ATP6V1C2: variants seen among roughly 807,000 people sequenced by gnomAD.
ATP6V1C2 encodes ATPase H+ transporting V1 subunit C2.
Under a neutral mutation model 56.8 loss-of-function variants are expected in ATP6V1C2, and 45 were observed. The observed-to-expected ratio is 0.79, with a 90% confidence interval of 0.62 to 1.02. The LOEUF (loss-of-function observed/expected upper bound fraction) is 1.02, where lower values mean the gene tolerates loss of function less well. ATP6V1C2 is among the 50% of genes least tolerant of loss of function. The probability of loss-of-function intolerance (pLI) is 0.00; values close to 1 mark genes in which losing one functional copy is unlikely to be tolerated. For synonymous variants in ATP6V1C2, 220 were observed against 201.3 expected, an observed-to-expected ratio of 1.09 and a Z score of -0.79; for missense variants, 463 against 519.7, an observed-to-expected ratio of 0.89 and a Z score of 1.06.
intron 3 of ATP6V1C2, among the ~76,000 whole-genome samples, chr2:10,744,651 G>GTTTTT (rs201274617): frequency 6.8e-6 from 1 of 146,740 alleles, no homozygotes; most frequent in Non-Finnish European, 1.5e-5. Context: ...TGCTTGATGG[G>GTTTTT]TTTTTTTTTC....
chr2:10,755,868 G>T (rs914769444), intron 4 of ATP6V1C2, among the ~76,000 whole-genome samples: 5 of 152,204 alleles, frequency 3.3e-5, no homozygotes, highest in Non-Finnish European at 7.3e-5. Context: ...TGTCTGCCTC[G>T]TTCGTGCTGA....
intron 3 of ATP6V1C2, among the ~76,000 whole-genome samples, chr2:10,733,286 T>C (rs1027999520): frequency 4.6e-5 from 7 of 152,180 alleles, no homozygotes; most frequent in African/African-American, 1.7e-4. Flanking sequence ...GGGTTATATG[T>C]ACTAATAAAT....
chr2:10,775,178 C>T, intron 10 of ATP6V1C2, 107 bp downstream of exon 10: 2 of 849,100 alleles, frequency 2.4e-6, no homozygotes, highest in Admixed American at 3.9e-5. Context: ...TGTCCCCAGG[C>T]TCCTGGGCTC....
At chr2:10,724,303 A>G (rs1043441533) in intron 2 of ATP6V1C2, among the ~76,000 whole-genome samples, 1 of 152,102 alleles carries the variant, frequency 6.6e-6, no homozygotes, top group Non-Finnish European at 1.5e-5. Flanking sequence ...ATGCTACCCC[A>G]TTTGCTAACG....
chr2:10,742,922 A>T (rs1572529884), intron 3 of ATP6V1C2, among the ~76,000 whole-genome samples: 1 of 151,996 alleles, frequency 6.6e-6, no homozygotes, highest in Admixed American at 6.6e-5. Context: ...CCTGCCCAGC[A>T]CCCAAAGGCC....
chr2:10,761,312 T>C (rs1663890862), intron 4 of ATP6V1C2, among the ~76,000 whole-genome samples: 1 of 151,996 alleles, frequency 6.6e-6, no homozygotes, highest in African/African-American at 2.4e-5. Context: ...GGTTCCCAGC[T>C]TGTGGGATGG....
At chr2:10,755,950 AGT>A in intron 4 of ATP6V1C2, among the ~76,000 whole-genome samples, 1 of 152,198 alleles carries the variant, frequency 6.6e-6, no homozygotes, top group African/African-American at 2.4e-5. Flanking sequence ...GTGCCTTTAA[AGT>A]GTGCAAGGCA....
At chr2:10,721,629 C>CGAA (rs1309655793), upstream of ATP6V1C2, 1 of 151,492 alleles carries the variant, frequency 6.6e-6, no homozygotes, top group Non-Finnish European at 1.5e-5. Flanking sequence ...CGCGGGGCAG[C>CGAA]GAAGCCGCTG....
At chr2:10,778,544 G>C in intron 11 of ATP6V1C2, 28 bp from the exon 12 acceptor site, 1 of 1,609,584 alleles carries the variant, frequency 6.2e-7, no homozygotes, top group Non-Finnish European at 8.5e-7. Flanking sequence ...TGTTCAGCAG[G>C]GGTCACCTGG....
intron 5 of ATP6V1C2, among the ~76,000 whole-genome samples, chr2:10,768,492 G>T (rs188710350): frequency 2.0e-5 from 3 of 152,340 alleles, no homozygotes; most frequent in African/African-American, 7.2e-5. Context: ...ATCAGGAAAG[G>T]TTGGGCTCAC....
At chr2:10,745,312 A>G (rs1662849039) in intron 3 of ATP6V1C2, among the ~76,000 whole-genome samples, 1 of 149,798 alleles carries the variant, frequency 6.7e-6, no homozygotes, top group African/African-American at 2.5e-5. Context: ...TGCAGGGATT[A>G]TAGGCATGAG....
rs1417969080 is a variant in ATP6V1C2 at position 10,763,053 on chromosome 2, A to G, written c.284-1278A>G. The stretch of plus-strand genomic sequence containing the variant: ...TTGGGGTTGGAGGAATCTCAGTCCA[A>G]TTCCCGTGCTAGGGGCTGAGTGGGC... On this transcript the variant is annotated intron_variant, in intron 4 of 13. Transcript: ENST00000272238. This position sits in a 1 kb window ranked among gnomAD's most constrained non-coding sequence, Gnocchi z 4.2. 6.6e-6 allele frequency among the ~76,000 whole-genome samples: 1 copy of G among 151,894 alleles called. No individual in the cohort carries two copies. The highest frequency in any genetic ancestry group is 2.4e-5 in the African/African-American group (1 of 41,334).
chr2:10,783,157 CATG>C lies in ATP6V1C2; in HGVS notation c.1195-16_1195-14del, dbSNP rs755767275. On this transcript the variant is annotated splice_polypyrimidine_tract_variant and intron_variant, in intron 13 of 13. Coordinates refer to ENST00000272238, the MANE Select transcript of ATP6V1C2 (RefSeq NM_001039362.2). ...CTAGTTTATGCACTTAGAGCATTAC[CATG>C]TCTTCTTTTGTAGGCATCTGTGGAG... is the stretch of plus-strand genomic sequence containing the variant. The C allele has an allele frequency of 6.3e-7, 1 of 1,595,224 alleles. No homozygotes were observed. Among genetic ancestry groups the C allele is most frequent in the Admixed American group, 1.7e-5 (1 of 59,942 alleles).
At chr2:10,735,175 A>G (rs554682625) in intron 3 of ATP6V1C2, among the ~76,000 whole-genome samples, 9 of 152,290 alleles carry the variant, frequency 5.9e-5, no homozygotes, top group Non-Finnish European at 8.8e-5. Flanking sequence ...TGTGGTGACT[A>G]GACCTTTTTT....
intron 3 of ATP6V1C2, among the ~76,000 whole-genome samples, chr2:10,738,338 C>T (rs1053505752): frequency 1.3e-5 from 2 of 152,078 alleles, no homozygotes; most frequent in Non-Finnish European, 2.9e-5. Flanking sequence ...TGCCAGGCTT[C>T]CCCCAGCTCC....
At chr2:10,748,666 A>G (rs897743730) in intron 3 of ATP6V1C2, among the ~76,000 whole-genome samples, 2 of 152,190 alleles carry the variant, frequency 1.3e-5, no homozygotes, top group African/African-American at 4.8e-5. Flanking sequence ...AGTTTACTTT[A>G]GACAAACATG....
chr2:10,766,003 T>C (rs1472950091), intron 5 of ATP6V1C2, among the ~76,000 whole-genome samples: 1 of 152,182 alleles, frequency 6.6e-6, no homozygotes, highest in Non-Finnish European at 1.5e-5. Flanking sequence ...GTCCGCCTCA[T>C]GCCATGGGGT....
rs145731800 is a variant in ATP6V1C2 at position 10,779,812 on chromosome 2, G to T, written c.1061+1143G>T. On this transcript the variant is annotated intron_variant, in intron 12 of 13. Transcript: ENST00000272238. Reference sequence around the variant, plus strand: ...GAGAACACTGCCAGCGTCCCAGTGGGTGCCCTTTTAGGTGTAGGTTTTGTT... The same window carrying T: ...GAGAACACTGCCAGCGTCCCAGTGGTTGCCCTTTTAGGTGTAGGTTTTGTT... 3.1e-3 allele frequency among the ~76,000 whole-genome samples: 471 copies of T among 152,256 alleles called. 1 individual carries two copies. Among genetic ancestry groups the T allele is most frequent in the African/African-American group, 0.01 (423 of 41,540 alleles).
At chr2:10,734,024 C>T (rs748737612) in intron 3 of ATP6V1C2, among the ~76,000 whole-genome samples, 1 of 152,190 alleles carries the variant, frequency 6.6e-6, no homozygotes, top group Non-Finnish European at 1.5e-5. Flanking sequence ...TTGTAAAAAG[C>T]ATATAGGCTT....
Sources: allele counts gnomAD v4.1 joint callset (sites outside exome capture counted in the v4.1 genomes callset), GRCh38; gene constraint gnomAD v4.1.1; non-coding constraint Gnocchi (gnomAD v3.1); transcripts MANE v1.5; gene names NCBI Gene and HGNC (gene_info 2026-07-23, HGNC 2026-07-21).